R3HCC1L: variants seen among roughly 807,000 people sequenced by gnomAD.
R3HCC1L encodes coiled-coil domain-containing protein R3HCC1L.
In R3HCC1L, 51 loss-of-function variants were observed where a neutral mutation model predicts 59.9. The observed-to-expected ratio is 0.85, with a 90% CI of 0.68 to 1.07. The LOEUF is 1.07. R3HCC1L is among the 50% of genes least tolerant of loss of function. R3HCC1L has a pLI of 0.00. For missense variants in R3HCC1L, 965 were observed against 933.0 expected (o/e 1.03, Z -0.45); for synonymous variants, 322 against 315.2 (o/e 1.02, Z -0.23).
chr10:98,184,765 T>A (rs1344029371), intron 4 of R3HCC1L, among the ~76,000 whole-genome samples: 1 of 152,186 alleles, frequency 6.6e-6, no homozygotes, highest in Non-Finnish European at 1.5e-5. Context: ...TGGGGCTTTT[T>A]CAGAGATCTT....
chr10:98,136,108 C>G (rs562471088), intron 1 of R3HCC1L, among the ~76,000 whole-genome samples: 181 of 152,036 alleles, frequency 1.2e-3, no homozygotes, highest in African/African-American at 4.1e-3. Flanking sequence ...CCGCCTCGAC[C>G]TCCCAAAGTG....
At chr10:98,243,997 C>T in intron 9 of R3HCC1L, 94 bp from the exon 10 acceptor site, 9 of 1,071,244 alleles carry the variant, frequency 8.4e-6, no homozygotes, top group Non-Finnish European at 1.3e-5. Flanking sequence ...ATCCACTTGT[C>T]TCATGACTAA....
chr10:98,166,866 C>T (rs984198853), intron 4 of R3HCC1L, among the ~76,000 whole-genome samples: 9 of 152,136 alleles, frequency 5.9e-5, no homozygotes, highest in East Asian at 3.9e-4. Context: ...GGGGTTTCAC[C>T]GTGTTAGCCA....
intron 7 of R3HCC1L, 142 bp from the exon 8 acceptor site, chr10:98,235,283 G>A (rs1481656016): frequency 1.5e-6 from 1 of 676,008 alleles, no homozygotes; most frequent in Non-Finnish European, 2.5e-6. Context: ...AATAATTACT[G>A]CCACGTTGAT....
intron 4 of R3HCC1L, among the ~76,000 whole-genome samples, chr10:98,179,698 T>C (rs540796394): frequency 2.6e-5 from 4 of 152,262 alleles, no homozygotes; most frequent in Non-Finnish European, 5.9e-5. Flanking sequence ...GGTCCTGGAC[T>C]TTTTTTAGTT....
chr10:98,243,868 A>G (rs1677418955), intron 9 of R3HCC1L, among the ~76,000 whole-genome samples: 1 of 152,226 alleles, frequency 6.6e-6, no homozygotes, highest in South Asian at 2.1e-4. Context: ...TATTAGCCTC[A>G]GATATTTTTT....
chr10:98,184,145 C>G (rs977512900), intron 4 of R3HCC1L, among the ~76,000 whole-genome samples: 3 of 151,922 alleles, frequency 2.0e-5, no homozygotes, highest in African/African-American at 7.3e-5. Context: ...TAAAGTTTCT[C>G]TAGCATTACT....
chr10:98,181,734 T>TA (rs1197215506), intron 4 of R3HCC1L, among the ~76,000 whole-genome samples: 1 of 152,206 alleles, frequency 6.6e-6, no homozygotes, highest in Non-Finnish European at 1.5e-5. Flanking sequence ...CGTTTTTCTC[T>TA]AAACTTCTCT....
chr10:98,207,205 T>C (rs957281246), intron 4 of R3HCC1L, among the ~76,000 whole-genome samples: 1 of 152,252 alleles, frequency 6.6e-6, no homozygotes, highest in African/African-American at 2.4e-5. Flanking sequence ...CACCTCCTTA[T>C]TCTCTTTGTC....
intron 2 of R3HCC1L, among the ~76,000 whole-genome samples, chr10:98,159,398 A>G (rs1847183951): frequency 6.6e-6 from 1 of 152,136 alleles, no homozygotes; most frequent in Admixed American, 6.5e-5. Flanking sequence ...GCTTAGTGGC[A>G]TTATATTCTC....
At chr10:98,205,757 A>G (rs1007406091) in intron 4 of R3HCC1L, among the ~76,000 whole-genome samples, 3 of 152,204 alleles carry the variant, frequency 2.0e-5, no homozygotes, top group Non-Finnish European at 2.9e-5. Flanking sequence ...TTGAATTTGT[A>G]AAGTCATTAA....
chr10:98,176,463 G>A (rs1333589469), intron 4 of R3HCC1L, among the ~76,000 whole-genome samples: 2 of 152,088 alleles, frequency 1.3e-5, no homozygotes, highest in South Asian at 2.1e-4. Context: ...TACTCTGTTA[G>A]ATTTATGCCT....
intron 4 of R3HCC1L, among the ~76,000 whole-genome samples, chr10:98,171,912 T>A (rs912153111): frequency 1.3e-5 from 2 of 152,116 alleles, no homozygotes; most frequent in Admixed American, 6.5e-5. Flanking sequence ...GACTCAGAAG[T>A]GTGCTTGTGA....
At chr10:98,193,442 C>T (rs186669544) in intron 4 of R3HCC1L, among the ~76,000 whole-genome samples, 1 of 151,966 alleles carries the variant, frequency 6.6e-6, no homozygotes, top group Non-Finnish European at 1.5e-5. Context: ...GATACAAAAT[C>T]AACTCTCCAA....
chr10:98,225,640 T>C (rs1162997878), intron 5 of R3HCC1L, among the ~76,000 whole-genome samples: 2 of 152,222 alleles, frequency 1.3e-5, no homozygotes, highest in Non-Finnish European at 2.9e-5. Context: ...TCGTAGCCTT[T>C]GTTTGTTTCA....
At position 98,208,637 on chromosome 10, in the gene R3HCC1L, GTTCCAAGCAAACCA is replaced by G; in HGVS notation, c.530_543del (p.Ser177LysfsTer6). 1.2e-6 allele frequency: 2 copies of G among 1,614,144 alleles called. No individual in the cohort carries two copies. The highest frequency in any genetic ancestry group is 1.7e-6 in the Non-Finnish European group (2 of 1,180,020). Reference sequence around the variant, plus strand: ...CTGTTTAGAAATCAGCGAGGCTCAAGTTCCAAGCAAACCATTCCAAAATGTGGAATTCTGTGACT... The same window carrying G: ...CTGTTTAGAAATCAGCGAGGCTCAAGTTCCAAAATGTGGAATTCTGTGACT... On this transcript the variant is annotated frameshift_variant, in exon 5 of 10. Coordinates refer to ENST00000298999, the MANE Select transcript of R3HCC1L (RefSeq NM_001351015.2). LOFTEE classifies it high-confidence loss of function.
At chr10:98,212,604 G>A (rs1321470805) in intron 5 of R3HCC1L, among the ~76,000 whole-genome samples, 1 of 152,146 alleles carries the variant, frequency 6.6e-6, no homozygotes, top group African/African-American at 2.4e-5. Flanking sequence ...AACTTAAGGT[G>A]GTAATTGATG....
At chr10:98,216,036 G>A (rs554866076) in intron 5 of R3HCC1L, among the ~76,000 whole-genome samples, 1 of 152,168 alleles carries the variant, frequency 6.6e-6, no homozygotes, top group African/African-American at 2.4e-5. Context: ...TCAGAATCAA[G>A]TCCTAAGTTT....
In R3HCC1L at chr10:98,236,181, G is replaced by T. The variant is rs1050742166; in HGVS notation, c.2269+17G>T. ...AAGCCAGAGGTGAGCTGAAAGGGTG[G>T]TGTTCTTCTCTAGGCCCTTCAGAAC... On this transcript the variant is annotated intron_variant, in intron 9 of 9. Coordinates refer to ENST00000298999, the MANE Select transcript of R3HCC1L (RefSeq NM_001351015.2). The T allele has an allele frequency of 6.2e-7, 1 of 1,612,836 alleles. No individual in the cohort carries two copies. The highest frequency in any genetic ancestry group is 8.5e-7 in the Non-Finnish European group (1 of 1,179,442).
Sources: gnomAD v4.1 joint callset for allele counts (sites outside exome capture counted in the v4.1 genomes callset) on GRCh38, gnomAD v4.1.1 for gene constraint, MANE v1.5 for transcripts, NCBI Gene and HGNC (gene_info 2026-07-23, HGNC 2026-07-21) for gene names.